The following IDE variants were observed in gnomAD, a reference collection of about 807,000 sequenced individuals.
IDE encodes insulin-degrading enzyme.
IDE carries 58 observed loss-of-function variants against 133.2 expected under a neutral mutation model. The observed-to-expected ratio is 0.44, with a 90% CI of 0.35 to 0.54. The LOEUF (loss-of-function observed/expected upper bound fraction) is 0.54, where lower values mean the gene tolerates loss of function less well. Among genes scored for constraint, IDE ranks in the 20% least tolerant of loss-of-function variants. IDE has a pLI of 0.00. For synonymous variants in IDE, 396 were observed against 421.3 expected, an observed-to-expected ratio of 0.94 and a Z score of 0.73; for missense variants, 981 against 1,234.0, an observed-to-expected ratio of 0.79 and a Z score of 3.07.
rs930851011 is a variant in IDE at position 92,510,136 on chromosome 10, C to A, written c.811G>T (p.Val271Leu). Reference sequence around the variant, plus strand: ...TCTACTTCAGAAAATAACTTTACCACCAGATTAGTCAAGTCATCTAAAGAT... The same window carrying A: ...TCTACTTCAGAAAATAACTTTACCAACAGATTAGTCAAGTCATCTAAAGAT... ...RESLDDLTNL[V>L]VKLFSEVENK... is the part of the protein sequence containing the mutation. Residue 271 changes from valine (V) to leucine (L), a missense_variant, in exon 6 of 25, where the codon GTG becomes TTG. Val to Leu is a conservative substitution (Grantham distance 32). Around this residue, in one of 2 missense-constraint regions of IDE, gnomAD observed 321 missense variants for 339.3 expected, o/e 0.95. Coordinates refer to ENST00000265986, the MANE Select transcript of IDE (RefSeq NM_004969.4). 23 of 1,588,244 alleles carry A rather than the reference C, an allele frequency of 1.4e-5. No individual in the cohort carries two copies. In the Admixed American group the frequency reaches 2.9e-4, roughly 20 times the overall value.
intron 21 of IDE, 104 bp downstream of exon 21, chr10:92,463,627 T>C (rs762778457): frequency 1.9e-6 from 2 of 1,054,580 alleles, no homozygotes; most frequent in South Asian, 1.5e-5. Flanking sequence ...ACTCCCCAAA[T>C]AGGTAACGGA....
At position 92,557,702 on chromosome 10, in the gene IDE, G is replaced by A. The variant is rs367856392; in HGVS notation, c.98+16220C>T. ...GCCAGGAGTTCGAGACTAGCCTGGCGAAGATGGTGAAACACCATTTCTACT... is the reference window on the plus strand; with the variant it reads ...GCCAGGAGTTCGAGACTAGCCTGGCAAAGATGGTGAAACACCATTTCTACT... On this transcript the variant is annotated intron_variant, in intron 1 of 24. Transcript: ENST00000265986. Among the ~76,000 whole-genome samples the A allele has an allele frequency of 8.1e-4, 123 of 151,700 alleles. 3 individuals carry two copies. In the South Asian group the frequency reaches 0.024, roughly 29 times the overall value.
chr10:92,483,287 C>CAA lies in IDE; in HGVS notation c.1705_1706dup (p.Leu569PhefsTer46). 1 of 1,604,426 alleles carries CAA rather than the reference C, an allele frequency of 6.2e-7. No homozygotes were observed. Among genetic ancestry groups the CAA allele is most frequent in the Non-Finnish European group, 8.5e-7 (1 of 1,171,870 alleles). The stretch of plus-strand genomic sequence containing the variant: ...ATTCAAAGTTGAGACAAGCCTTCGG[C>CAA]AAAAAAAACTTATCATCTTGTTTGA... On this transcript the variant is annotated frameshift_variant, in exon 14 of 25. Transcript: ENST00000265986. LOFTEE classifies it high-confidence loss of function.
chr10:92,510,945 A>C (rs1344667338), intron 5 of IDE, among the ~76,000 whole-genome samples: 1 of 151,406 alleles, frequency 6.6e-6, no homozygotes, highest in Non-Finnish European at 1.5e-5. Flanking sequence ...ACAAGAAATG[A>C]GTTAGATCTT....
At chr10:92,524,404 A>ATTATATT (rs1849443848) in intron 4 of IDE, among the ~76,000 whole-genome samples, 1 of 91,748 alleles carries the variant, frequency 1.1e-5, no homozygotes, top group African/African-American at 4.4e-5. Context: ...TATAATATAT[A>ATTATATT]ATATATATTA....
chr10:92,548,903 G>A (rs1842655675), intron 1 of IDE, among the ~76,000 whole-genome samples: 1 of 152,124 alleles, frequency 6.6e-6, no homozygotes, highest in African/African-American at 2.4e-5. Flanking sequence ...AACTGAAGGT[G>A]CTAATGGCAC....
intron 10 of IDE, among the ~76,000 whole-genome samples, chr10:92,505,733 C>A (rs1175112566): frequency 2.0e-5 from 3 of 152,152 alleles, no homozygotes; most frequent in Non-Finnish European, 4.4e-5. Flanking sequence ...AGAACCTAGC[C>A]AGGCAAAGAT....
chr10:92,572,814 T>TC, intron 1 of IDE: 2 of 895,122 alleles, frequency 2.2e-6, no homozygotes, highest in South Asian at 1.0e-4. Flanking sequence ...CAGCCCTCAC[T>TC]CCAACCTTTC....
At chr10:92,504,441 A>G (rs1848187652) in intron 11 of IDE, among the ~76,000 whole-genome samples, 2 of 152,192 alleles carry the variant, frequency 1.3e-5, no homozygotes, top group Non-Finnish European at 1.5e-5. Flanking sequence ...AGGTGGGCTG[A>G]TACTTTGGGC....
intron 18 of IDE, 68 bp from the exon 19 acceptor site, chr10:92,469,058 G>T: frequency 1.1e-6 from 1 of 877,602 alleles, no homozygotes; most frequent in Non-Finnish European, 1.9e-6. Flanking sequence ...AAATAAACTG[G>T]CTTTGTTTAT....
At chr10:92,551,888 T>A (rs1212274449) in intron 1 of IDE, among the ~76,000 whole-genome samples, 4 of 152,114 alleles carry the variant, frequency 2.6e-5, no homozygotes, top group Admixed American at 6.6e-5. Context: ...GTTACCCCAG[T>A]ACTTTGGAAA....
chr10:92,524,395 A>AT lies in IDE; in HGVS notation c.661+7352dup, dbSNP rs1564647689. On this transcript the variant is annotated intron_variant, in intron 4 of 24. Coordinates refer to ENST00000265986, the MANE Select transcript of IDE (RefSeq NM_004969.4). ...ATATATTATATATAATATATTTTAT[A>AT]TAATATATAATATATATTATATTAT... Among the ~76,000 whole-genome samples, 57 of 94,646 alleles carry AT rather than the reference A, an allele frequency of 6.0e-4. 12 individuals are homozygous for AT. Among genetic ancestry groups the AT allele is most frequent in the African/African-American group, 2.4e-3 (56 of 23,450 alleles). The allele number at this position is 94,646 out of a possible 152,430, so 62.1% of individuals were successfully genotyped here.
chr10:92,522,558 T>C (rs1849285722), intron 4 of IDE, among the ~76,000 whole-genome samples: 2 of 152,198 alleles, frequency 1.3e-5, no homozygotes, highest in African/African-American at 2.4e-5. Flanking sequence ...TGGCTCTTCC[T>C]TCTGCTTAAG....
At chr10:92,497,464 A>G (rs1847772078) in intron 11 of IDE, among the ~76,000 whole-genome samples, 1 of 152,212 alleles carries the variant, frequency 6.6e-6, no homozygotes, top group South Asian at 2.1e-4. Flanking sequence ...ACCATTTAAT[A>G]TAAGGGACTT....
At chr10:92,566,388 ATC>A (rs201698581) in intron 1 of IDE, among the ~76,000 whole-genome samples, 3,846 of 143,870 alleles carry the variant, frequency 0.027, 49 homozygotes, top group East Asian at 0.053. Context: ...GTCAGACTCT[ATC>A]TCTCTCTCTC....
intron 11 of IDE, among the ~76,000 whole-genome samples, chr10:92,503,032 T>C (rs937435492): frequency 6.6e-6 from 1 of 151,730 alleles, no homozygotes; most frequent in Non-Finnish European, 1.5e-5. Flanking sequence ...GTTATTTTCA[T>C]TGAAAAAGAC....
At chr10:92,505,176 C>T (rs1848230636) in intron 10 of IDE, among the ~76,000 whole-genome samples, 1 of 152,134 alleles carries the variant, frequency 6.6e-6, no homozygotes. Context: ...TCGGGGAAAA[C>T]CACGAATGTT....
chr10:92,532,398 C>G (rs373155971), intron 3 of IDE, among the ~76,000 whole-genome samples: 3 of 152,120 alleles, frequency 2.0e-5, no homozygotes, highest in East Asian at 1.9e-4. Context: ...CTACTTTTAA[C>G]AGGCTCAATT....
At position 92,452,637 on chromosome 10, in the gene IDE, T is replaced by C. The variant is rs1423472344; in HGVS notation, c.*1807A>G. 6.6e-6 allele frequency: 1 copy of C among 152,020 alleles called. No individual in the cohort carries two copies. Among genetic ancestry groups the C allele is most frequent in the Non-Finnish European group, 1.5e-5 (1 of 67,998 alleles). 9.4% of individuals were successfully genotyped at this position (152,020 alleles called of 1,614,324 possible). ...ATTCTCATAAAAAAGACACTTAAATTTCACCCATTTTTTAAAAAAGAGCTA... is the reference window on the plus strand; with the variant it reads ...ATTCTCATAAAAAAGACACTTAAATCTCACCCATTTTTTAAAAAAGAGCTA... On this transcript the variant is annotated 3_prime_UTR_variant, in exon 25 of 25. Coordinates refer to ENST00000265986, the MANE Select transcript of IDE (RefSeq NM_004969.4).
Sources: allele counts gnomAD v4.1 joint callset (sites outside exome capture counted in the v4.1 genomes callset), GRCh38; gene constraint gnomAD v4.1.1; regional missense constraint gnomAD v4.1.1; transcripts MANE v1.5; gene names NCBI Gene and HGNC (gene_info 2026-07-23, HGNC 2026-07-21).